Variants in GABBR1 observed in about 807,000 individuals in gnomAD.
GABBR1 encodes GABA-B receptor, R1 subunit.
GABBR1 carries 35 observed loss-of-function variants against 117.7 expected under a neutral mutation model. The observed-to-expected ratio is 0.30, with a 90% CI of 0.23 to 0.39. The LOEUF (loss-of-function observed/expected upper bound fraction) is 0.39. Among genes scored for constraint, GABBR1 ranks in the 10% least tolerant of loss-of-function variants. The pLI is 1.00. For synonymous variants in GABBR1, 442 were observed against 486.6 expected (o/e 0.91, Z 1.21); for missense variants, 709 against 1,241.8 (o/e 0.57, Z 6.45).
chr6:29,606,221 C>T lies in GABBR1; in HGVS notation c.2311+170G>A. On this transcript the variant is annotated intron_variant, in intron 19 of 22. Coordinates refer to ENST00000377034, the MANE Select transcript of GABBR1 (RefSeq NM_001470.4). The surrounding 1 kb of genome is among the most constrained non-coding windows in gnomAD (Gnocchi z 4.5). Reference sequence around the variant, plus strand: ...CTCCTCATAGCAAAAGAGCAACTCTCCCCTATTCTCAGAAAAGATTAGTGC... The same window carrying T: ...CTCCTCATAGCAAAAGAGCAACTCTTCCCTATTCTCAGAAAAGATTAGTGC... 1.6e-6 allele frequency: 1 copy of T among 631,428 alleles called. No homozygotes were observed. The highest frequency in any genetic ancestry group is 2.8e-6 in the Non-Finnish European group (1 of 352,096). The allele number at this position is 631,428 out of a possible 1,614,324, so 39.1% of individuals were successfully genotyped here.
intron 11 of GABBR1, among the ~76,000 whole-genome samples, chr6:29,618,526 C>T (rs928074064): frequency 6.6e-6 from 1 of 152,208 alleles, no homozygotes; most frequent in Admixed American, 6.5e-5. Context: ...CCTTGTCTGG[C>T]TCTCAAGAAT....
intron 11 of GABBR1, among the ~76,000 whole-genome samples, chr6:29,614,689 A>G (rs1762883029): frequency 6.6e-6 from 1 of 152,222 alleles, no homozygotes; most frequent in Non-Finnish European, 1.5e-5. Flanking sequence ...ATAATGAAGT[A>G]ACAATAAATG....
rs761226412 is a variant in GABBR1 at position 29,630,679 on chromosome 6, T to G, written c.290-36A>C. On this transcript the variant is annotated intron_variant, in intron 3 of 22. Transcript: ENST00000377034. This position sits in a 1 kb window ranked among gnomAD's most constrained non-coding sequence, Gnocchi z 4.9. ...ATAGGAAAATAAGAAGAGAGGCGAG[T>G]TGAAGAAGGCTCTTTCCCTTTAAAG... 4 of 1,571,228 alleles carry G rather than the reference T, an allele frequency of 2.5e-6. No individual in the cohort carries two copies. In the East Asian group the frequency reaches 6.8e-5, roughly 27 times the overall value.
In GABBR1 at chr6:29,604,958, T is replaced by C; in HGVS notation, c.2470A>G (p.Met824Val). The change falls in exon 21 of 23, where the codon ATG becomes GTG. Residue 824 changes from methionine to valine, a missense_variant. Met to Val is a conservative substitution (Grantham distance 21). Coordinates refer to ENST00000377034, the MANE Select transcript of GABBR1 (RefSeq NM_001470.4). The surrounding 1 kb of genome is among the most constrained non-coding windows in gnomAD (Gnocchi z 5.3). ...GCATCCTGCTGGCTGGACAGAATCATGGTGACAGGAGCAGTGATGAGGCAC... is the reference window on the plus strand; with the variant it reads ...GCATCCTGCTGGCTGGACAGAATCACGGTGACAGGAGCAGTGATGAGGCAC... ...VLCLITAPVT[M>V]ILSSQQDAAF... 1 of 1,612,902 alleles carries C rather than the reference T, an allele frequency of 6.2e-7. No homozygotes were observed. Among genetic ancestry groups the C allele is most frequent in the Non-Finnish European group, 8.5e-7 (1 of 1,179,924 alleles).
At position 29,622,420 on chromosome 6, in the gene GABBR1, G is replaced by T; in HGVS notation, c.964-215C>A. On this transcript the variant is annotated intron_variant, in intron 8 of 22. Coordinates refer to ENST00000377034, the MANE Select transcript of GABBR1 (RefSeq NM_001470.4). The surrounding 1 kb of genome is among the most constrained non-coding windows in gnomAD (Gnocchi z 4.6). ...TTCCAAGTGGGAAGGTGAATGGTGA[G>T]CCCCTGCTGAGGCTCTGTGTGGGGG... 1 of 572,500 alleles carries T rather than the reference G, an allele frequency of 1.7e-6. No individual in the cohort carries two copies. Among genetic ancestry groups the T allele is most frequent in the Non-Finnish European group, 3.1e-6 (1 of 320,766 alleles). 35.5% of individuals were successfully genotyped at this position (572,500 alleles called of 1,614,324 possible).
chr6:29,627,475 T>TG lies in GABBR1; in HGVS notation c.657+10_657+11insC. On this transcript the variant is annotated intron_variant, in intron 6 of 22. Transcript: ENST00000377034. This position sits in a 1 kb window ranked among gnomAD's most constrained non-coding sequence, Gnocchi z 4.4. Reference sequence around the variant, plus strand: ...CCCCCACCTCCCACCCACCCCCATGTCCAGGGCTACCTTGCTGTCGTGGTG... The same window carrying TG: ...CCCCCACCTCCCACCCACCCCCATGTGCCAGGGCTACCTTGCTGTCGTGGTG... 2 of 1,111,918 alleles carry TG rather than the reference T, an allele frequency of 1.8e-6. No individual in the cohort carries two copies. The highest frequency in any genetic ancestry group is 2.6e-6 in the Non-Finnish European group (2 of 783,476). The allele number at this position is 1,111,918 out of a possible 1,614,324, so 68.9% of individuals were successfully genotyped here.
intron 4 of GABBR1, 46 bp from the exon 5 acceptor site, chr6:29,629,153 C>T (rs1013449614): frequency 6.2e-7 from 1 of 1,610,452 alleles, no homozygotes; most frequent in Non-Finnish European, 8.5e-7. Context: ...ACCACTGGCG[C>T]CCAGCTTCCC....
chr6:29,604,117 T>C lies in GABBR1; in HGVS notation c.2712+377A>G, dbSNP rs1030470375. 2.0e-5 allele frequency among the ~76,000 whole-genome samples: 3 copies of C among 152,062 alleles called. No individual in the cohort carries two copies. Among genetic ancestry groups the C allele is most frequent in the African/African-American group, 7.2e-5 (3 of 41,408 alleles). On this transcript the variant is annotated intron_variant, in intron 22 of 22. Transcript: ENST00000377034. This position sits in a 1 kb window ranked among gnomAD's most constrained non-coding sequence, Gnocchi z 5.3. ...AGTGAACGCCTGCCCAGGTCCTTTA[T>C]GCTGGGGCTGCATGCTACACCCAGC...
chr6:29,623,780 T>C lies in GABBR1; in HGVS notation c.792+110A>G. 1.5e-6 allele frequency: 2 copies of C among 1,302,076 alleles called. No individual in the cohort carries two copies. Among genetic ancestry groups the C allele is most frequent in the Non-Finnish European group, 2.1e-6 (2 of 942,100 alleles). The allele number at this position is 1,302,076 out of a possible 1,614,324, so 80.7% of individuals were successfully genotyped here. ...GTCTGCAGAGGACTCTGAATCTTAG[T>C]AGCAGGTCCTCCACACTCCTTTTCA... On this transcript the variant is annotated intron_variant, in intron 7 of 22. Coordinates refer to ENST00000377034, the MANE Select transcript of GABBR1 (RefSeq NM_001470.4). This position sits in a 1 kb window ranked among gnomAD's most constrained non-coding sequence, Gnocchi z 6.2.
At position 29,606,876 on chromosome 6, in the gene GABBR1, G is replaced by A. The variant is rs541957142; in HGVS notation, c.2217+21C>T. 23 of 1,600,560 alleles carry A rather than the reference G, an allele frequency of 1.4e-5. No individual in the cohort carries two copies. The Admixed American group carries it at 3.3e-4, about 23-fold the overall frequency. On this transcript the variant is annotated intron_variant, in intron 18 of 22. Coordinates refer to ENST00000377034, the MANE Select transcript of GABBR1 (RefSeq NM_001470.4). This position sits in a 1 kb window ranked among gnomAD's most constrained non-coding sequence, Gnocchi z 4.5. ...AGCCCTGCTCATTCTCCTGACCATAGCACCTCCTCTCCAGTGGTACCTCAA... is the reference window on the plus strand; with the variant it reads ...AGCCCTGCTCATTCTCCTGACCATAACACCTCCTCTCCAGTGGTACCTCAA...
At position 29,632,716 on chromosome 6, in the gene GABBR1, C is replaced by T; in HGVS notation, c.-1+134G>A. Reference sequence around the variant, plus strand: ...CGGCATCGGCCGCCTCAGCGCTCCCCGATTCCATCCCCGCGGTTCCTCCTC... The same window carrying T: ...CGGCATCGGCCGCCTCAGCGCTCCCTGATTCCATCCCCGCGGTTCCTCCTC... On this transcript the variant is annotated intron_variant, in intron 1 of 22. Transcript: ENST00000377034. This position sits in a 1 kb window ranked among gnomAD's most constrained non-coding sequence, Gnocchi z 5.8. 2.9e-6 allele frequency: 4 copies of T among 1,365,708 alleles called. No individual in the cohort carries two copies. The highest frequency in any genetic ancestry group is 2.9e-6 in the Non-Finnish European group (3 of 1,046,836). The allele number at this position is 1,365,708 out of a possible 1,614,324, so 84.6% of individuals were successfully genotyped here.
At chr6:29,618,805 T>C (rs1266838314) in intron 11 of GABBR1, among the ~76,000 whole-genome samples, 4 of 152,192 alleles carry the variant, frequency 2.6e-5, no homozygotes, top group Non-Finnish European at 1.5e-5. Context: ...AGCAAGATAA[T>C]TCTTTGTTGC....
rs1377619571 is a variant in GABBR1 at position 29,612,616 on chromosome 6, TGAGG to T, written c.1567-6_1567-3del. The stretch of plus-strand genomic sequence containing the variant: ...GCTGGCATCAAACACCACATGGCCC[TGAGG>T]GAAGGAACATGTGGAGCAAGGCAAA... On this transcript the variant is annotated splice_region_variant and splice_polypyrimidine_tract_variant and intron_variant, in intron 12 of 22. Coordinates refer to ENST00000377034, the MANE Select transcript of GABBR1 (RefSeq NM_001470.4). The T allele has an allele frequency of 1.2e-6, 2 of 1,613,754 alleles. No individual in the cohort carries two copies. Among genetic ancestry groups the T allele is most frequent in the African/African-American group, 1.3e-5 (1 of 74,980 alleles).
chr6:29,618,978 C>T (rs112179474), intron 11 of GABBR1, among the ~76,000 whole-genome samples: 3 of 152,210 alleles, frequency 2.0e-5, no homozygotes, highest in African/African-American at 7.2e-5. Context: ...AAAACCACTA[C>T]CCTAACTAAT....
rs1240770441 is a variant in GABBR1, at chr6:29,625,505, TTCTC to T, written c.658-1485_658-1482del. The stretch of plus-strand genomic sequence containing the variant: ...TCCACACACTATTCATCACTGCAGA[TTCTC>T]TCCACCACGTGATTCTCTCCCCCTC... On this transcript the variant is annotated intron_variant, in intron 6 of 22. Transcript: ENST00000377034. 2.6e-5 allele frequency among the ~76,000 whole-genome samples: 4 copies of T among 152,284 alleles called. No homozygotes were observed. In the East Asian group the frequency reaches 5.8e-4, roughly 22 times the overall value.
chr6:29,603,750 A>G (rs1761655922), intron 22 of GABBR1, 34 bp from the exon 23 acceptor site: 1 of 1,436,468 alleles, frequency 7.0e-7, no homozygotes, highest in Non-Finnish European at 9.1e-7. Flanking sequence ...ATAGTAGGAG[A>G]AGAGGAGGTG....
chr6:29,606,613 G>T lies in GABBR1; in HGVS notation c.2218-129C>A. 1 of 728,876 alleles carries T rather than the reference G, an allele frequency of 1.4e-6. No homozygotes were observed. The highest frequency in any genetic ancestry group is 1.6e-5 in the South Asian group (1 of 63,020). The allele number at this position is 728,876 out of a possible 1,614,324, so 45.2% of individuals were successfully genotyped here. A position where few individuals can be genotyped will look rare whatever the true frequency, so the allele number is the denominator to read the frequency against. On this transcript the variant is annotated intron_variant, in intron 18 of 22. Coordinates refer to ENST00000377034, the MANE Select transcript of GABBR1 (RefSeq NM_001470.4). This position sits in a 1 kb window ranked among gnomAD's most constrained non-coding sequence, Gnocchi z 4.5. ...AATGCTGATGCCAAATCTCATTCTA[G>T]GCCTAAGAATGTTTTCCTGAACCCT...
chr6:29,625,242 T>C (rs900129121), intron 6 of GABBR1, among the ~76,000 whole-genome samples: 1 of 152,082 alleles, frequency 6.6e-6, no homozygotes, highest in Non-Finnish European at 1.5e-5. Context: ...GGCAACTTTG[T>C]AAATCTTTAC....
At position 29,627,543 on chromosome 6, in the gene GABBR1, A is replaced by G. The variant is rs774256232; in HGVS notation, c.600T>C (p.Asn200=). 2.5e-6 allele frequency: 4 copies of G among 1,598,968 alleles called. No homozygotes were observed. The highest frequency in any genetic ancestry group is 3.4e-6 in the Non-Finnish European group (4 of 1,173,726). The change falls in exon 6 of 23, where the codon AAT becomes AAC. Residue 200 remains asparagine (N), a synonymous_variant. Transcript: ENST00000377034. The surrounding 1 kb of genome is among the most constrained non-coding windows in gnomAD (Gnocchi z 4.4). The stretch of plus-strand genomic sequence containing the variant: ...AGTCCGGCAGGATGTCCCTGCGGCT[A>G]TTCACGTCCTCCAGCGCCATCTCCA... ...PAVEMALEDV[N]SRRDILPDYE...
Sources: gnomAD v4.1 joint callset for allele counts (sites outside exome capture counted in the v4.1 genomes callset) on GRCh38, gnomAD v4.1.1 for gene constraint, Gnocchi (gnomAD v3.1) non-coding constraint, MANE v1.5 for transcripts, NCBI Gene and HGNC (gene_info 2026-07-23, HGNC 2026-07-21) for gene names.